The following CRPPA variants were observed in gnomAD, a reference collection of about 807,000 sequenced individuals.
CRPPA encodes the protein CDP-L-ribitol pyrophosphorylase A, also known as D-ribitol-5-phosphate cytidylyltransferase.
Under a neutral mutation model 52.0 loss-of-function variants are expected in CRPPA, and 43 were observed. The observed-to-expected ratio is 0.83, with a 90% CI of 0.65 to 1.07. The LOEUF is 1.07. Ranked by LOEUF, CRPPA falls within the 50% of genes least tolerant of loss-of-function variation. CRPPA has a pLI of 0.00. For missense variants in CRPPA, 629 were observed against 551.7 expected (o/e 1.14, Z -1.40); for synonymous variants, 250 against 203.5 (o/e 1.23, Z -1.94).
intron 8 of CRPPA, 138 bp from the exon 9 acceptor site, chr7:16,216,335 A>G (rs893710841): frequency 1.2e-5 from 7 of 564,902 alleles, no homozygotes; most frequent in Middle Eastern, 4.6e-4. Flanking sequence ...ATCTCTAGTT[A>G]TGCTTCAAGC....
Position 16,416,961 on chromosome 7 carries a change from A to C in CRPPA, c.257+4105T>G, listed in dbSNP as rs1788210348. Among the ~76,000 whole-genome samples the C allele has an allele frequency of 2.6e-5, 4 of 152,220 alleles. No homozygotes were observed. In the South Asian group the frequency reaches 8.3e-4, roughly 32 times the overall value. On this transcript the variant is annotated intron_variant, in intron 1 of 9. Coordinates refer to ENST00000407010, the MANE Select transcript of CRPPA (RefSeq NM_001101426.4). ...AGGAACTGTAAACAACTGAACCAGCAAAAAACAAATACCCACATTAAAAAT... is the reference window on the plus strand; with the variant it reads ...AGGAACTGTAAACAACTGAACCAGCCAAAAACAAATACCCACATTAAAAAT...
chr7:16,169,673 TTGAAA>T (rs1371064354), intron 9 of CRPPA, among the ~76,000 whole-genome samples: 1 of 152,248 alleles, frequency 6.6e-6, no homozygotes, highest in African/African-American at 2.4e-5. Flanking sequence ...ATAACTGTAC[TTGAAA>T]TGAAGTTCTT....
chr7:16,096,118 C>T (rs947786865), intron 9 of CRPPA, among the ~76,000 whole-genome samples: 7 of 152,076 alleles, frequency 4.6e-5, no homozygotes, highest in Non-Finnish European at 8.8e-5. Flanking sequence ...TCAACAACGT[C>T]CACAGGATCA....
chr7:16,389,913 CAAAAAAAAA>C (rs1163092089), intron 2 of CRPPA, among the ~76,000 whole-genome samples: 2 of 34,318 alleles, frequency 5.8e-5, no homozygotes, highest in African/African-American at 4.4e-4. Flanking sequence ...GCCTAGTATA[CAAAAAAAAA>C]AAAAAAATAT....
chr7:16,399,482 A>G (rs922389727), intron 2 of CRPPA, among the ~76,000 whole-genome samples: 3 of 146,074 alleles, frequency 2.1e-5, no homozygotes, highest in African/African-American at 7.9e-5. Flanking sequence ...AAGACGTTTG[A>G]TCAACACATG....
intron 9 of CRPPA, among the ~76,000 whole-genome samples, chr7:16,176,919 T>C (rs1454290906): frequency 6.6e-6 from 1 of 152,122 alleles, no homozygotes; most frequent in Non-Finnish European, 1.5e-5. Context: ...TATCCTCCTA[T>C]GGGTTGAGTA....
At chr7:16,378,753 C>T (rs1021767285) in intron 2 of CRPPA, among the ~76,000 whole-genome samples, 1 of 151,774 alleles carries the variant, frequency 6.6e-6, no homozygotes, top group African/African-American at 2.4e-5. Context: ...CCTATTTCTC[C>T]ACATCCTCTC....
chr7:16,258,369 A>G, intron 8 of CRPPA, 21 bp downstream of exon 8: 3 of 1,455,228 alleles, frequency 2.1e-6, no homozygotes, highest in Non-Finnish European at 2.9e-6. Flanking sequence ...TTTGAGAAAA[A>G]TCTGCATTAA....
intron 9 of CRPPA, among the ~76,000 whole-genome samples, chr7:16,165,497 C>A (rs928588257): frequency 6.6e-6 from 1 of 152,166 alleles, no homozygotes; most frequent in Non-Finnish European, 1.5e-5. Context: ...ATAACAGACA[C>A]ATGTTCTTGT....
At chr7:16,120,965 C>A in intron 9 of CRPPA, among the ~76,000 whole-genome samples, 1 of 151,686 alleles carries the variant, frequency 6.6e-6, no homozygotes, top group South Asian at 2.1e-4. Context: ...AAAGACAAGC[C>A]AATATATATT....
intron 9 of CRPPA, among the ~76,000 whole-genome samples, chr7:16,189,679 A>T (rs1189523012): frequency 2.0e-5 from 3 of 152,196 alleles, no homozygotes; most frequent in Non-Finnish European, 1.5e-5. Flanking sequence ...ATCAAAATAG[A>T]ACATGATATA....
chr7:16,331,150 C>A (rs1785542988), intron 3 of CRPPA, among the ~76,000 whole-genome samples: 1 of 152,064 alleles, frequency 6.6e-6, no homozygotes, highest in Admixed American at 6.5e-5. Flanking sequence ...CAGGCGCACG[C>A]CACCATGCCC....
chr7:16,347,365 G>A (rs1190921362), intron 3 of CRPPA, among the ~76,000 whole-genome samples: 1 of 152,036 alleles, frequency 6.6e-6, no homozygotes, highest in African/African-American at 2.4e-5. Flanking sequence ...CCTATTTCAA[G>A]TCTACCACTT....
At chr7:16,367,145 C>T (rs1441423818) in intron 3 of CRPPA, among the ~76,000 whole-genome samples, 2 of 149,162 alleles carry the variant, frequency 1.3e-5, no homozygotes, top group Non-Finnish European at 3.0e-5. Flanking sequence ...TTCCTTGCCC[C>T]TTTCCTCAAA....
At chr7:16,140,537 G>A (rs1280212297) in intron 9 of CRPPA, among the ~76,000 whole-genome samples, 1 of 152,154 alleles carries the variant, frequency 6.6e-6, no homozygotes, top group African/African-American at 2.4e-5. Context: ...GACACATATG[G>A]ATATAACATA....
At chr7:16,260,821 T>C (rs936455010) in intron 6 of CRPPA, among the ~76,000 whole-genome samples, 1 of 152,038 alleles carries the variant, frequency 6.6e-6, no homozygotes, top group African/African-American at 2.4e-5. Flanking sequence ...TTAAAATAAA[T>C]TTCTTTAGGA....
intron 9 of CRPPA, among the ~76,000 whole-genome samples, chr7:16,101,841 T>C (rs1043122484): frequency 9.2e-5 from 14 of 152,176 alleles, no homozygotes; most frequent in Non-Finnish European, 2.1e-4. Context: ...TCCATGCTCA[T>C]GGATAGGAAG....
At chr7:16,255,405 T>C (rs143491039) in intron 8 of CRPPA, among the ~76,000 whole-genome samples, 2,691 of 152,278 alleles carry the variant, frequency 0.018, 73 homozygotes, top group African/African-American at 0.062. Flanking sequence ...CCCATCAAGT[T>C]ACCAATGACT....
intron 8 of CRPPA, among the ~76,000 whole-genome samples, chr7:16,236,440 C>G (rs1412863344): frequency 6.6e-6 from 1 of 152,020 alleles, no homozygotes; most frequent in Non-Finnish European, 1.5e-5. Flanking sequence ...ATCTCTGGTA[C>G]CCAGAAAATT....
Sources: allele counts gnomAD v4.1 joint callset (sites outside exome capture counted in the v4.1 genomes callset), GRCh38; gene constraint gnomAD v4.1.1; transcripts MANE v1.5; gene names NCBI Gene and HGNC (gene_info 2026-07-23, HGNC 2026-07-21).